The following HPCAL1 variants were observed in gnomAD, a reference collection of about 807,000 sequenced individuals.
HPCAL1 encodes the protein hippocalcin like 1, also known as hippocalcin-like protein 1.
A neutral mutation model predicts 17.1 loss-of-function variants in HPCAL1; 8 were observed. That is an observed-to-expected ratio of 0.47 (90% CI 0.27 to 0.84). The LOEUF (loss-of-function observed/expected upper bound fraction) is 0.84. HPCAL1 is among the 40% of genes least tolerant of loss of function. The pLI is 0.13. For missense variants in HPCAL1, 165 were observed against 271.1 expected (o/e 0.61, Z 2.75); for synonymous variants, 112 against 111.4 (o/e 1.01, Z -0.03).
chr2:10,427,034 G>C lies in HPCAL1; in HGVS notation c.*213G>C. ...TCACGCCTGGCCCGGTCCCTTCCAGGGCAACTCCCAGGGATGTGGTGACAT... is the reference window on the plus strand; with the variant it reads ...TCACGCCTGGCCCGGTCCCTTCCAGCGCAACTCCCAGGGATGTGGTGACAT... On this transcript the variant is annotated 3_prime_UTR_variant, in exon 5 of 5. Coordinates refer to ENST00000307845, the MANE Select transcript of HPCAL1 (RefSeq NM_002149.4). The C allele has an allele frequency of 1.8e-6, 1 of 569,190 alleles. No homozygotes were observed. The allele number at this position is 569,190 out of a possible 1,614,324, so 35.3% of individuals were successfully genotyped here. A position where few individuals can be genotyped will look rare whatever the true frequency, so the allele number is the denominator to read the frequency against.
chr2:10,408,858 T>A (rs1242904257), intron 2 of HPCAL1: 1 of 152,106 alleles, frequency 6.6e-6, no homozygotes, highest in East Asian at 1.9e-4. Flanking sequence ...AGATCCAGGG[T>A]CCCTGGTATC....
intron 1 of HPCAL1, among the ~76,000 whole-genome samples, chr2:10,387,418 C>A (rs1439618371): frequency 6.6e-6 from 1 of 152,130 alleles, no homozygotes; most frequent in African/African-American, 2.4e-5. Context: ...TTGGTGTATT[C>A]CCCCACCCTC....
At chr2:10,403,067 T>A (rs1196749185) in intron 2 of HPCAL1, among the ~76,000 whole-genome samples, 1 of 152,152 alleles carries the variant, frequency 6.6e-6, no homozygotes, top group Non-Finnish European at 1.5e-5. Context: ...GTTTAGTCAT[T>A]TCTCAAGCAG....
In HPCAL1 at chr2:10,323,129, A is replaced by G. The variant is rs1434637622; in HGVS notation, c.-111+19952A>G. Among the ~76,000 whole-genome samples the G allele has an allele frequency of 6.6e-6, 1 of 152,168 alleles. No homozygotes were observed. Among genetic ancestry groups the G allele is most frequent in the Non-Finnish European group, 1.5e-5 (1 of 68,018 alleles). ...TGCAGCCACCACCACTGGCCGCTTC[A>G]TGGCATGTTTCCAGCACAACTCTCT... On this transcript the variant is annotated intron_variant, in intron 1 of 4. Coordinates refer to ENST00000307845, the MANE Select transcript of HPCAL1 (RefSeq NM_002149.4). The surrounding 1 kb of genome is among the most constrained non-coding windows in gnomAD (Gnocchi z 4.6).
chr2:10,409,053 AAG>A (rs1353271151), intron 2 of HPCAL1, among the ~76,000 whole-genome samples: 1 of 152,248 alleles, frequency 6.6e-6, no homozygotes, highest in African/African-American at 2.4e-5. Context: ...GTAATCAAGA[AAG>A]AGAAAGTATT....
At chr2:10,398,003 C>T (rs556175298) in intron 2 of HPCAL1, among the ~76,000 whole-genome samples, 15 of 152,282 alleles carry the variant, frequency 9.9e-5, no homozygotes, top group Admixed American at 9.8e-4. Flanking sequence ...TCTGGACCAG[C>T]AGGACCTGGC....
At chr2:10,396,308 C>A (rs1669023105) in intron 1 of HPCAL1, among the ~76,000 whole-genome samples, 1 of 152,194 alleles carries the variant, frequency 6.6e-6, no homozygotes, top group Non-Finnish European at 1.5e-5. Context: ...CCAGGTATGC[C>A]AGTCAAGAAA....
At chr2:10,405,992 C>A (rs1188969891) in intron 2 of HPCAL1, among the ~76,000 whole-genome samples, 1 of 152,182 alleles carries the variant, frequency 6.6e-6, no homozygotes, top group South Asian at 2.1e-4. Flanking sequence ...TAGAATTATT[C>A]TTGGTGTTCT....
chr2:10,416,701 CTTT>C (rs34538965), intron 2 of HPCAL1, among the ~76,000 whole-genome samples: 3 of 146,154 alleles, frequency 2.1e-5, no homozygotes, highest in Non-Finnish European at 1.5e-5. Flanking sequence ...TTTACATTCC[CTTT>C]TTTTTTTTTT....
intron 1 of HPCAL1, among the ~76,000 whole-genome samples, chr2:10,378,050 A>G (rs1229954060): frequency 6.6e-6 from 1 of 151,960 alleles, no homozygotes; most frequent in Non-Finnish European, 1.5e-5. Flanking sequence ...ACATTGGAGG[A>G]TGGGATGACA....
In HPCAL1 at chr2:10,426,763, G is replaced by A; in HGVS notation, c.524G>A (p.Ser175Asn). The change falls in exon 5 of 5, where the codon AGC becomes AAC. Residue 175 changes from serine to asparagine, a missense_variant. Transcript: ENST00000307845. ...GAAGAATTCATCAGAGGTGCCAAGA[G>A]CGACCCCTCCATCGTCCGCCTGCTG... is the stretch of plus-strand genomic sequence containing the variant. Reference protein sequence around the residue: ...SLEEFIRGAKSDPSIVRLLQC... With the variant: ...SLEEFIRGAKNDPSIVRLLQC... 6.2e-7 allele frequency: 1 copy of A among 1,613,456 alleles called. No individual in the cohort carries two copies. Among genetic ancestry groups the A allele is most frequent in the East Asian group, 2.2e-5 (1 of 44,880 alleles).
At chr2:10,308,675 C>T (rs1662772903) in intron 1 of HPCAL1, among the ~76,000 whole-genome samples, 1 of 152,174 alleles carries the variant, frequency 6.6e-6, no homozygotes, top group Non-Finnish European at 1.5e-5. Flanking sequence ...TCAGCACTGG[C>T]ACCTACAGAA....
intron 1 of HPCAL1, among the ~76,000 whole-genome samples, chr2:10,312,208 ATC>A (rs1558448866): frequency 1.6e-4 from 4 of 25,544 alleles, no homozygotes; most frequent in Non-Finnish European, 3.9e-4. Context: ...CACTGTCATC[ATC>A]AACATCCATC....
chr2:10,329,677 C>G (rs1664234439), intron 1 of HPCAL1, among the ~76,000 whole-genome samples: 1 of 152,228 alleles, frequency 6.6e-6, no homozygotes, highest in Non-Finnish European at 1.5e-5. Context: ...CGGGCTTTGT[C>G]TCTGCTTTTG....
At chr2:10,389,518 C>T (rs1668549481) in intron 1 of HPCAL1, among the ~76,000 whole-genome samples, 1 of 152,222 alleles carries the variant, frequency 6.6e-6, no homozygotes, top group Admixed American at 6.5e-5. Context: ...ACAGCCCTCC[C>T]CAGAACTCAA....
In HPCAL1 at chr2:10,393,215, G is replaced by C. The variant is rs115189710; in HGVS notation, c.-110-3620G>C. Among the ~76,000 whole-genome samples, 1,052 of 152,334 alleles carry C rather than the reference G, an allele frequency of 6.9e-3. 11 individuals carry two copies. The highest frequency in any genetic ancestry group is 8.9e-3 in the Non-Finnish European group (606 of 68,024). The stretch of plus-strand genomic sequence containing the variant: ...GACTTCTGCTACTTGATTCTGTCTC[G>C]AGCAATGACTGTAATCTCTATCTGT... On this transcript the variant is annotated intron_variant, in intron 1 of 4. Coordinates refer to ENST00000307845, the MANE Select transcript of HPCAL1 (RefSeq NM_002149.4).
chr2:10,331,082 C>G lies in HPCAL1; in HGVS notation c.-111+27905C>G, dbSNP rs560718951. Among the ~76,000 whole-genome samples the G allele has an allele frequency of 1.3e-5, 2 of 152,134 alleles. No individual in the cohort carries two copies. The highest frequency in any genetic ancestry group is 2.4e-5 in the African/African-American group (1 of 41,436). ...TCCATCTCGTGGCCTCCCATCTGCT[C>G]TCCCGGCTGCAGGAGCGGTTTCTCT... On this transcript the variant is annotated intron_variant, in intron 1 of 4. Transcript: ENST00000307845. The surrounding 1 kb of genome is among the most constrained non-coding windows in gnomAD (Gnocchi z 5.0).
chr2:10,347,240 G>A (rs886383865), intron 1 of HPCAL1, among the ~76,000 whole-genome samples: 7 of 151,970 alleles, frequency 4.6e-5, no homozygotes, highest in African/African-American at 1.7e-4. Flanking sequence ...TCCTTCCGTC[G>A]TTGGCTTGGT....
chr2:10,419,588 T>C lies in HPCAL1; in HGVS notation c.-24-146T>C. On this transcript the variant is annotated intron_variant, in intron 2 of 4. Transcript: ENST00000307845. The surrounding 1 kb of genome is among the most constrained non-coding windows in gnomAD (Gnocchi z 5.0). ...TTGGCCTTCTTGGTGGTCCATAAGA[T>C]AGCGGCATGCCTTCCGATGGGGGAC... 1 of 673,548 alleles carries C rather than the reference T, an allele frequency of 1.5e-6. No individual in the cohort carries two copies. The highest frequency in any genetic ancestry group is 2.0e-5 in the South Asian group (1 of 50,180). 41.7% of individuals were successfully genotyped at this position (673,548 alleles called of 1,614,324 possible). A position where few individuals can be genotyped will look rare whatever the true frequency, so the allele number is the denominator to read the frequency against.
Sources: allele counts gnomAD v4.1 joint callset (sites outside exome capture counted in the v4.1 genomes callset), GRCh38; gene constraint gnomAD v4.1.1; non-coding constraint Gnocchi (gnomAD v3.1); transcripts MANE v1.5; gene names NCBI Gene and HGNC (gene_info 2026-07-23, HGNC 2026-07-21).